ROBO1: variants seen among roughly 807,000 people sequenced by gnomAD.
The protein encoded by ROBO1 is roundabout homolog 1.
In ROBO1, 149 loss-of-function variants were observed where a neutral mutation model predicts 195.9. That is an observed-to-expected ratio of 0.76 (90% confidence interval 0.67 to 0.87). The LOEUF (loss-of-function observed/expected upper bound fraction) is 0.87. Among genes scored for constraint, ROBO1 ranks in the 40% least tolerant of loss-of-function variants. The pLI, the probability that ROBO1 is intolerant of heterozygous loss-of-function variation, is 0.00. For synonymous variants in ROBO1, 816 were observed against 733.2 expected (o/e 1.11, Z -1.82); for missense variants, 1,933 against 2,068.3 (o/e 0.93, Z 1.27).
intron 4 of ROBO1, among the ~76,000 whole-genome samples, chr3:78,898,386 T>TG (rs1390820758): frequency 8.2e-5 from 11 of 134,412 alleles, no homozygotes; most frequent in African/African-American, 2.8e-4. Flanking sequence ...TAGGGTTTTT[T>TG]TTTTTTTTTT....
chr3:79,298,397 T>G (rs1165370565), intron 2 of ROBO1, among the ~76,000 whole-genome samples: 1 of 152,068 alleles, frequency 6.6e-6, no homozygotes, highest in Non-Finnish European at 1.5e-5. Context: ...ATCAAATACA[T>G]TATAGATGAT....
At chr3:79,409,796 C>T (rs2037692838) in intron 2 of ROBO1, among the ~76,000 whole-genome samples, 1 of 152,140 alleles carries the variant, frequency 6.6e-6, no homozygotes, top group Admixed American at 6.6e-5. Context: ...TCTTATAGCT[C>T]AGTCACCTCT....
chr3:78,661,993 T>C lies in ROBO1; in HGVS notation c.2088A>G (p.Thr696=), dbSNP rs746209812. The change falls in exon 15 of 31, where the codon ACA becomes ACG. Residue 696 remains threonine (T), a splice_region_variant and synonymous_variant. Transcript: ENST00000464233. The part of the protein sequence containing the change: ...LSSSSIEVHW[T]VDQQSQYIQG... The stretch of plus-strand genomic sequence containing the variant: ...GAGATCAAATATTGTAACAACTCAC[T>C]GTCCAGTGCACTTCGATGGAAGAGG... The C allele has an allele frequency of 9.1e-5, 147 of 1,607,130 alleles. No homozygotes were observed. The highest frequency in any genetic ancestry group is 6.9e-4 in the Middle Eastern group (4 of 5,810).
intron 4 of ROBO1, among the ~76,000 whole-genome samples, chr3:78,897,885 T>G (rs971969360): frequency 1.3e-5 from 2 of 151,984 alleles, no homozygotes; most frequent in African/African-American, 2.4e-5. Context: ...GCATTTGGAT[T>G]TACGAAATGC....
At chr3:78,995,887 G>C (rs1420701505) in intron 3 of ROBO1, among the ~76,000 whole-genome samples, 3 of 151,996 alleles carry the variant, frequency 2.0e-5, no homozygotes, top group African/African-American at 7.2e-5. Flanking sequence ...AGTTAAGTAA[G>C]AGCAACACAG....
intron 2 of ROBO1, among the ~76,000 whole-genome samples, chr3:79,454,175 G>A (rs1292795393): frequency 2.1e-5 from 3 of 143,696 alleles, no homozygotes; most frequent in Non-Finnish European, 4.5e-5. Flanking sequence ...GCTTGCCACA[G>A]AGAGTTCACG....
chr3:79,060,712 T>A (rs1270196410), intron 3 of ROBO1, among the ~76,000 whole-genome samples: 36 of 152,184 alleles, frequency 2.4e-4, no homozygotes, highest in Non-Finnish European at 7.4e-5. Context: ...AATCAACAAA[T>A]GTAATCCATC....
chr3:78,774,140 C>G (rs1021801855), intron 4 of ROBO1, among the ~76,000 whole-genome samples: 1 of 152,142 alleles, frequency 6.6e-6, no homozygotes, highest in African/African-American at 2.4e-5. Flanking sequence ...AAGTCCTTTT[C>G]ATTTATTCTT....
chr3:79,442,575 G>A (rs2039092875), intron 2 of ROBO1, among the ~76,000 whole-genome samples: 1 of 152,026 alleles, frequency 6.6e-6, no homozygotes. Flanking sequence ...TGACAGAGAG[G>A]GTTGTGGCTG....
At chr3:79,612,427 C>A (rs1576116186) in intron 1 of ROBO1, among the ~76,000 whole-genome samples, 1 of 151,350 alleles carries the variant, frequency 6.6e-6, no homozygotes, top group East Asian at 2.0e-4. Flanking sequence ...TCCAGTCTAT[C>A]ATTGTTGGAC....
intron 4 of ROBO1, among the ~76,000 whole-genome samples, chr3:78,911,682 G>C (rs904134411): frequency 2.4e-4 from 36 of 151,988 alleles, no homozygotes; most frequent in African/African-American, 8.0e-4. Context: ...TAAATCAATT[G>C]ATATGGTCAT....
chr3:79,364,240 A>ATATATG (rs1553726910), intron 2 of ROBO1, among the ~76,000 whole-genome samples: 1 of 146,974 alleles, frequency 6.8e-6, no homozygotes, highest in Non-Finnish European at 1.5e-5. Context: ...GTGTGTGTAT[A>ATATATG]TATATATATA....
chr3:78,951,865 C>T (rs1460313896), intron 3 of ROBO1, among the ~76,000 whole-genome samples: 3 of 152,082 alleles, frequency 2.0e-5, no homozygotes, highest in Non-Finnish European at 4.4e-5. Context: ...TAAACTGCTT[C>T]CCCCTCTGAG....
intron 4 of ROBO1, among the ~76,000 whole-genome samples, chr3:78,904,521 C>A (rs907014289): frequency 9.9e-5 from 15 of 151,878 alleles, no homozygotes; most frequent in Admixed American, 8.5e-4. Context: ...TTCTCTACTC[C>A]AGTTGCATTT....
rs1407206897 is a variant in ROBO1, at chr3:79,537,524, C to T, written c.88+52300G>A. On this transcript the variant is annotated intron_variant, in intron 2 of 30. Transcript: ENST00000464233. ...TGTCGGGACTAATTCCACTTCCTGT[C>T]CATCTTCAAAATGGCTGAAATATTT... 6.6e-5 allele frequency among the ~76,000 whole-genome samples: 10 copies of T among 152,074 alleles called. No homozygotes were observed. The East Asian group carries it at 1.9e-3, about 29-fold the overall frequency.
chr3:79,386,998 GGA>G (rs1163064958), intron 2 of ROBO1, among the ~76,000 whole-genome samples: 1 of 152,096 alleles, frequency 6.6e-6, no homozygotes, highest in African/African-American at 2.4e-5. Context: ...TTGTCATATA[GGA>G]GAAGGCATAG....
intron 2 of ROBO1, among the ~76,000 whole-genome samples, chr3:79,416,252 G>C (rs1284605068): frequency 6.6e-6 from 1 of 151,902 alleles, no homozygotes; most frequent in Non-Finnish European, 1.5e-5. Context: ...AGCAGTCCAG[G>C]CAAGAGATGA....
intron 2 of ROBO1, among the ~76,000 whole-genome samples, chr3:79,331,351 A>G (rs1221554051): frequency 1.3e-5 from 2 of 152,240 alleles, no homozygotes; most frequent in Non-Finnish European, 1.5e-5. Context: ...CTTAGGTTGC[A>G]AAGTAGATTT....
chr3:79,612,992 G>A (rs1172427133), intron 1 of ROBO1, among the ~76,000 whole-genome samples: 3 of 150,596 alleles, frequency 2.0e-5, no homozygotes, highest in Non-Finnish European at 3.0e-5. Context: ...TTTAAGGATG[G>A]ATTTTCAGAT....
Sources: gnomAD v4.1 joint callset for allele counts (sites outside exome capture counted in the v4.1 genomes callset) on GRCh38, gnomAD v4.1.1 for gene constraint, MANE v1.5 for transcripts, NCBI Gene and HGNC (gene_info 2026-07-23, HGNC 2026-07-21) for gene names.